FANK1: variants seen among roughly 807,000 people sequenced by gnomAD.
The protein encoded by FANK1 is fibronectin type III and ankyrin repeat domains 1, also known as fibronectin type 3 and ankyrin repeat domains protein 1.
Under a neutral mutation model 45.3 loss-of-function variants are expected in FANK1, and 44 were observed. The observed-to-expected ratio is 0.97, with a 90% CI of 0.76 to 1.25. The LOEUF is 1.25. Among genes scored for constraint, FANK1 ranks in the 50% most tolerant of loss-of-function variants. The pLI is 0.00. For synonymous variants in FANK1, 149 were observed against 152.5 expected (o/e 0.98, Z 0.17); for missense variants, 391 against 424.4 (o/e 0.92, Z 0.69).
At chr10:125,988,270 G>A (rs1414642576) in intron 2 of FANK1, among the ~76,000 whole-genome samples, 1 of 152,168 alleles carries the variant, frequency 6.6e-6, no homozygotes, top group Admixed American at 6.5e-5. Context: ...GAGGGCAAAT[G>A]TCGTGGTTAA....
intron 1 of FANK1, among the ~76,000 whole-genome samples, chr10:125,918,585 A>AAAATATATAT (rs1554913277): frequency 5.6e-5 from 4 of 70,976 alleles, no homozygotes; most frequent in African/African-American, 2.4e-4. Flanking sequence ...AAAAAAAAAA[A>AAAATATATAT]ATATATATAT....
chr10:125,906,515 C>CA (rs34132526), intron 1 of FANK1, among the ~76,000 whole-genome samples: 5,325 of 46,152 alleles, frequency 0.12, 775 homozygotes, highest in Non-Finnish European at 0.15. Context: ...GACTCTGTCT[C>CA]AAAAAAAAAA....
intron 7 of FANK1, among the ~76,000 whole-genome samples, chr10:126,006,918 G>T (rs903758286): frequency 2.0e-5 from 3 of 152,212 alleles, no homozygotes; most frequent in Non-Finnish European, 4.4e-5. Flanking sequence ...AAATACTGGA[G>T]TTTTGGAAAT....
rs867998346 is a variant in FANK1 at position 125,905,143 on chromosome 10, A to C, written c.13+8488A>C. Among the ~76,000 whole-genome samples the C allele has an allele frequency of 2.2e-3, 203 of 93,880 alleles. 1 individual carries two copies. The highest frequency in any genetic ancestry group is 6.7e-3 in the African/African-American group (172 of 25,522). 61.6% of individuals were successfully genotyped at this position (93,880 alleles called of 152,430 possible). On this transcript the variant is annotated intron_variant, in intron 1 of 10. Transcript: ENST00000368693. ...GAGACTCTGTCCCAAAAAAAAAAAAAAAAAAAACAAAAAAAACGTTTCTGT... is the reference window on the plus strand; with the variant it reads ...GAGACTCTGTCCCAAAAAAAAAAAACAAAAAAACAAAAAAAACGTTTCTGT...
intron 5 of FANK1, among the ~76,000 whole-genome samples, chr10:125,997,177 T>C: frequency 6.6e-6 from 1 of 152,244 alleles, no homozygotes; most frequent in Non-Finnish European, 1.5e-5. Flanking sequence ...ATTTGTTTCA[T>C]GTGCTTTCAT....
At chr10:125,991,278 T>TGTGTGTGTGTGTG (rs60170742) in intron 3 of FANK1, among the ~76,000 whole-genome samples, 5 of 147,068 alleles carry the variant, frequency 3.4e-5, no homozygotes, top group Non-Finnish European at 6.0e-5. Context: ...TGTGTGTGTG[T>TGTGTGTGTGTGTG]TGGGGGAGTG....
chr10:125,990,050 C>G (rs1254495978), intron 3 of FANK1, among the ~76,000 whole-genome samples: 1 of 152,348 alleles, frequency 6.6e-6, no homozygotes, highest in African/African-American at 2.4e-5. Flanking sequence ...TGAGCCTGCT[C>G]CATGGGCAAG....
chr10:125,910,937 G>A (rs1056562533), intron 1 of FANK1, among the ~76,000 whole-genome samples: 2 of 151,810 alleles, frequency 1.3e-5, no homozygotes, highest in Non-Finnish European at 2.9e-5. Flanking sequence ...GGGAGGCTGA[G>A]GCAGGAGAAT....
intron 1 of FANK1, among the ~76,000 whole-genome samples, chr10:125,945,791 G>A (rs954626395): frequency 1.3e-4 from 20 of 152,222 alleles, no homozygotes; most frequent in African/African-American, 4.8e-4. Flanking sequence ...CTCCACCTCT[G>A]GGGGCAGGGC....
At chr10:125,979,452 C>G (rs1323433380) in intron 1 of FANK1, among the ~76,000 whole-genome samples, 2 of 152,090 alleles carry the variant, frequency 1.3e-5, no homozygotes, top group Non-Finnish European at 1.5e-5. Context: ...CCATATTGCC[C>G]TCTAAAAAGG....
chr10:125,947,131 A>G (rs1948861477), intron 1 of FANK1, among the ~76,000 whole-genome samples: 1 of 151,454 alleles, frequency 6.6e-6, no homozygotes, highest in Non-Finnish European at 1.5e-5. Context: ...CATGGAAAGG[A>G]ACAACCGGTA....
At chr10:125,992,755 G>T (rs937955963) in intron 3 of FANK1, among the ~76,000 whole-genome samples, 1 of 152,104 alleles carries the variant, frequency 6.6e-6, no homozygotes, top group African/African-American at 2.4e-5. Flanking sequence ...GATGGAGGCT[G>T]TGGAGTAGAG....
chr10:125,951,507 T>G (rs1949229792), intron 1 of FANK1, among the ~76,000 whole-genome samples: 1 of 152,196 alleles, frequency 6.6e-6, no homozygotes, highest in African/African-American at 2.4e-5. Context: ...ACACATTCAT[T>G]GAAACAAGGC....
chr10:125,971,035 G>T (rs1950484803), intron 1 of FANK1, among the ~76,000 whole-genome samples: 2 of 152,048 alleles, frequency 1.3e-5, no homozygotes, highest in African/African-American at 4.8e-5. Context: ...AAAACTTGGG[G>T]GTGATAACAT....
intron 1 of FANK1, among the ~76,000 whole-genome samples, chr10:125,918,926 CAACT>C (rs1946713475): frequency 6.6e-6 from 1 of 151,742 alleles, no homozygotes; most frequent in Admixed American, 6.6e-5. Flanking sequence ...GAATAGAGAC[CAACT>C]AAAGATGGCT....
intron 1 of FANK1, among the ~76,000 whole-genome samples, chr10:125,945,621 C>T (rs370341067): frequency 1.3e-5 from 2 of 152,168 alleles, no homozygotes; most frequent in Non-Finnish European, 2.9e-5. Context: ...ATCTCGCTGA[C>T]TGCTAGCACA....
chr10:125,908,783 A>G (rs191340445), intron 1 of FANK1, among the ~76,000 whole-genome samples: 72 of 152,292 alleles, frequency 4.7e-4, no homozygotes, highest in African/African-American at 1.5e-3. Context: ...TAAAAAAACC[A>G]CTTAAAAAAG....
chr10:125,944,143 T>C (rs1054114875), intron 1 of FANK1, among the ~76,000 whole-genome samples: 19 of 152,262 alleles, frequency 1.2e-4, no homozygotes, highest in African/African-American at 1.7e-4. Flanking sequence ...CTGTAGAACA[T>C]GATTTTTCTG....
chr10:125,937,047 C>A (rs1948148506), intron 1 of FANK1, among the ~76,000 whole-genome samples: 1 of 151,408 alleles, frequency 6.6e-6, no homozygotes, highest in Middle Eastern at 3.4e-3. Context: ...AGCCTGGCAA[C>A]AACAAAAGCC....
Sources: allele counts gnomAD v4.1 joint callset (sites outside exome capture counted in the v4.1 genomes callset), GRCh38; gene constraint gnomAD v4.1.1; transcripts MANE v1.5; gene names NCBI Gene and HGNC (gene_info 2026-07-23, HGNC 2026-07-21).